PEX14: variants seen among roughly 807,000 people sequenced by gnomAD.
PEX14 encodes the protein peroxisomal membrane protein PEX14.
In PEX14, 15 loss-of-function variants were observed where a neutral mutation model predicts 49.5. That is an observed-to-expected ratio of 0.30 (90% CI 0.20 to 0.47). The LOEUF is 0.47. Ranked by LOEUF, PEX14 falls within the 20% of genes least tolerant of loss-of-function variation. The pLI is 1.00. For missense variants in PEX14, 398 were observed against 494.8 expected (o/e 0.80, Z 1.86); for synonymous variants, 210 against 212.7 (o/e 0.99, Z 0.11).
intron 7 of PEX14, among the ~76,000 whole-genome samples, chr1:10,625,949 A>G (rs1238957448): frequency 1.3e-5 from 2 of 152,162 alleles, no homozygotes; most frequent in African/African-American, 4.8e-5. Context: ...CTGGCTTGGC[A>G]TCTAAACGCG....
rs149412144 is a variant in PEX14 at position 10,512,293 on chromosome 1, C to A, written c.84+16972C>A. Among the ~76,000 whole-genome samples the A allele has an allele frequency of 1.5e-3, 224 of 152,186 alleles. 2 individuals carry two copies. Among genetic ancestry groups the A allele is most frequent in the South Asian group, 1.9e-3 (9 of 4,820 alleles). ...TTTTTAAGGACTAGAGCTCTCAGACCAGGACTTTCTGGATCTTTTTTTCTG... is the reference window on the plus strand; with the variant it reads ...TTTTTAAGGACTAGAGCTCTCAGACAAGGACTTTCTGGATCTTTTTTTCTG... On this transcript the variant is annotated intron_variant, in intron 2 of 8. Transcript: ENST00000356607. The surrounding 1 kb of genome is among the most constrained non-coding windows in gnomAD (Gnocchi z 4.6).
intron 1 of PEX14, among the ~76,000 whole-genome samples, chr1:10,489,627 A>G (rs1281065976): frequency 6.6e-6 from 1 of 152,212 alleles, no homozygotes; most frequent in African/African-American, 2.4e-5. Flanking sequence ...TTTAGTATTC[A>G]GCAGAGACCT....
Position 10,628,055 on chromosome 1 carries a change from C to G in PEX14, c.677+692C>G, listed in dbSNP as rs953920330. ...GGTTCACGCCATTCTCCTGCCTCAG[C>G]CTCCCGAGTAGCTGGGATTACAGGC... On this transcript the variant is annotated intron_variant, in intron 8 of 8. Coordinates refer to ENST00000356607, the MANE Select transcript of PEX14 (RefSeq NM_004565.3). The surrounding 1 kb of genome is among the most constrained non-coding windows in gnomAD (Gnocchi z 4.5). 6.6e-6 allele frequency among the ~76,000 whole-genome samples: 1 copy of G among 152,214 alleles called. No individual in the cohort carries two copies. The highest frequency in any genetic ancestry group is 1.5e-5 in the Non-Finnish European group (1 of 68,040).
At chr1:10,544,954 G>C (rs745999289) in intron 3 of PEX14, among the ~76,000 whole-genome samples, 18 of 152,026 alleles carry the variant, frequency 1.2e-4, no homozygotes, top group Non-Finnish European at 2.5e-4. Flanking sequence ...GGGGAGATAG[G>C]GTTTCACCAT....
At chr1:10,625,619 G>T (rs1641722337) in intron 7 of PEX14, among the ~76,000 whole-genome samples, 1 of 152,200 alleles carries the variant, frequency 6.6e-6, no homozygotes, top group East Asian at 1.9e-4. Context: ...ACCACCTCCA[G>T]CCACTGCAAT....
intron 3 of PEX14, among the ~76,000 whole-genome samples, chr1:10,596,883 C>T (rs1006182264): frequency 2.0e-5 from 3 of 152,202 alleles, no homozygotes; most frequent in African/African-American, 4.8e-5. Flanking sequence ...CAAATGATAA[C>T]GTCTGTGAAA....
At chr1:10,593,866 C>T (rs372777071) in intron 3 of PEX14, among the ~76,000 whole-genome samples, 1 of 152,094 alleles carries the variant, frequency 6.6e-6, no homozygotes, top group African/African-American at 2.4e-5. Flanking sequence ...AAGGTGCTGC[C>T]GTCGTAATTT....
rs1441218229 is a variant in PEX14, at chr1:10,509,038, G to A, written c.84+13717G>A. ...TGCAAACACCGCCTCCTAGGTTCAC[G>A]CCATTCTCCTGCCTCAGCCTCCCGA... On this transcript the variant is annotated intron_variant, in intron 2 of 8. Coordinates refer to ENST00000356607, the MANE Select transcript of PEX14 (RefSeq NM_004565.3). 3.3e-5 allele frequency among the ~76,000 whole-genome samples: 5 copies of A among 151,878 alleles called. No homozygotes were observed. The East Asian group carries it at 7.8e-4, about 24-fold the overall frequency.
chr1:10,542,666 C>T (rs571938584), intron 3 of PEX14, among the ~76,000 whole-genome samples: 1 of 152,158 alleles, frequency 6.6e-6, no homozygotes, highest in Non-Finnish European at 1.5e-5. Flanking sequence ...GAGGCTGAGG[C>T]AGGAGAATCG....
intron 3 of PEX14, among the ~76,000 whole-genome samples, chr1:10,581,492 GAC>G (rs1193058779): frequency 6.6e-6 from 1 of 151,396 alleles, no homozygotes; most frequent in East Asian, 2.0e-4. Flanking sequence ...TTTTAGTAGA[GAC>G]AGGATTTCAC....
intron 4 of PEX14, among the ~76,000 whole-genome samples, chr1:10,608,972 A>G (rs1641201879): frequency 6.6e-6 from 1 of 152,134 alleles, no homozygotes; most frequent in Admixed American, 6.5e-5. Flanking sequence ...ATCACTATAA[A>G]TGTCCCCTTT....
rs753247918 is a variant in PEX14, at chr1:10,556,621, G to C, written c.169+20324G>C. On this transcript the variant is annotated intron_variant, in intron 3 of 8. Coordinates refer to ENST00000356607, the MANE Select transcript of PEX14 (RefSeq NM_004565.3). ...CACTGCGCCTGATGTGGAGGGTTAG[G>C]GGGCAGGGTTGCCGGGCTGTTTCTT... 3.3e-4 allele frequency among the ~76,000 whole-genome samples: 50 copies of C among 152,156 alleles called. 1 individual carries two copies. The highest frequency in any genetic ancestry group is 5.1e-4 in the Non-Finnish European group (35 of 68,036).
chr1:10,488,238 C>A (rs547275396), intron 1 of PEX14, among the ~76,000 whole-genome samples: 174 of 152,222 alleles, frequency 1.1e-3, no homozygotes, highest in Non-Finnish European at 6.6e-4. Context: ...CTCTCTACAA[C>A]CTCCGCCTCC....
chr1:10,502,783 C>A (rs942083157), intron 2 of PEX14, among the ~76,000 whole-genome samples: 2 of 146,968 alleles, frequency 1.4e-5, no homozygotes, highest in Non-Finnish European at 3.0e-5. Context: ...TGGGGAAATT[C>A]AATTTTCTTT....
intron 3 of PEX14, among the ~76,000 whole-genome samples, chr1:10,591,605 C>T (rs983367683): frequency 4.0e-5 from 6 of 150,490 alleles, no homozygotes; most frequent in Admixed American, 4.0e-4. Context: ...TTACCAGTTT[C>T]CTGTCCTCCT....
chr1:10,627,813 G>A (rs753919162), intron 8 of PEX14, among the ~76,000 whole-genome samples: 5 of 152,232 alleles, frequency 3.3e-5, no homozygotes, highest in Non-Finnish European at 7.3e-5. Flanking sequence ...CCTGCCCCCC[G>A]GCTTCTTGGT....
chr1:10,603,587 C>T (rs913630997), intron 4 of PEX14, among the ~76,000 whole-genome samples: 3 of 152,016 alleles, frequency 2.0e-5, no homozygotes, highest in African/African-American at 7.2e-5. Context: ...TTGAAATTCT[C>T]CATTTCTCAT....
chr1:10,616,428 C>T (rs990525854), intron 4 of PEX14, among the ~76,000 whole-genome samples: 23 of 152,212 alleles, frequency 1.5e-4, no homozygotes, highest in African/African-American at 5.3e-4. Flanking sequence ...CAGCTTCACT[C>T]GGCCGTGTTG....
intron 3 of PEX14, among the ~76,000 whole-genome samples, chr1:10,574,401 GA>G (rs1291947755): frequency 1.3e-5 from 2 of 152,202 alleles, no homozygotes; most frequent in African/African-American, 2.4e-5. Context: ...AGATGTTCTG[GA>G]TCTCCGAGTG....
Sources: gnomAD v4.1 joint callset for allele counts (sites outside exome capture counted in the v4.1 genomes callset) on GRCh38, gnomAD v4.1.1 for gene constraint, Gnocchi (gnomAD v3.1) non-coding constraint, MANE v1.5 for transcripts, NCBI Gene and HGNC (gene_info 2026-07-23, HGNC 2026-07-21) for gene names.